PTHLH: variants seen among roughly 807,000 people sequenced by gnomAD.
The protein encoded by PTHLH is parathyroid hormone like hormone.
PTHLH carries 5 observed loss-of-function variants against 18.6 expected under a neutral mutation model. The observed-to-expected ratio is 0.27, with a 90% CI of 0.14 to 0.56. The LOEUF (loss-of-function observed/expected upper bound fraction) is 0.56, where lower values mean the gene tolerates loss of function less well. Among genes scored for constraint, PTHLH ranks in the 20% least tolerant of loss-of-function variants. The pLI, the probability that PTHLH is intolerant of heterozygous loss-of-function variation, is 0.92. For missense variants in PTHLH, 207 were observed against 223.9 expected (o/e 0.92, Z 0.48); for synonymous variants, 90 against 94.0 (o/e 0.96, Z 0.25).
At chr12:27,968,965 T>A (rs2062841499) in intron 4 of PTHLH, 1 of 164,020 alleles carries the variant, frequency 6.1e-6, no homozygotes, top group African/African-American at 2.4e-5. Context: ...TTTTGCTTTT[T>A]CACACGCAAA....
At chr12:27,961,782 T>C (rs1401997722) in intron 5 of PTHLH, 1 of 548,260 alleles carries the variant, frequency 1.8e-6, no homozygotes, top group Non-Finnish European at 3.2e-6. Context: ...TTATGTGCTA[T>C]TTAATGATGG....
At chr12:27,969,316 C>T in intron 4 of PTHLH, 78 bp downstream of exon 4, 2 of 1,375,462 alleles carry the variant, frequency 1.5e-6, no homozygotes, top group Non-Finnish European at 2.0e-6. Context: ...CGCTGCAAGC[C>T]CTCGGCAGCA....
intron 4 of PTHLH, among the ~76,000 whole-genome samples, chr12:27,967,466 T>C (rs1297425312): frequency 6.6e-6 from 1 of 152,240 alleles, no homozygotes; most frequent in Non-Finnish European, 1.5e-5. Flanking sequence ...TGATTATATG[T>C]TAAAATTTCT....
chr12:27,969,937 T>G, intron 3 of PTHLH, 88 bp downstream of exon 3: 1 of 519,576 alleles, frequency 1.9e-6, no homozygotes, highest in South Asian at 1.4e-5. Flanking sequence ...TTTCCCCCTC[T>G]GAAGTCAGCT....
rs576857367 is a variant in PTHLH, at chr12:27,969,386, G to T, written c.101+8C>A. Reference sequence around the variant, plus strand: ...AACCCGGCGCCCTGGGGAGGATGGGGCACTTACAGGCGGCGGCTGAGACCC... The same window carrying T: ...AACCCGGCGCCCTGGGGAGGATGGGTCACTTACAGGCGGCGGCTGAGACCC... On this transcript the variant is annotated splice_region_variant and intron_variant, in intron 4 of 5. Transcript: ENST00000545234. 1.9e-6 allele frequency: 3 copies of T among 1,570,246 alleles called. No homozygotes were observed. Among genetic ancestry groups the T allele is most frequent in the Admixed American group, 1.8e-5 (1 of 55,366 alleles).
At chr12:27,964,197 G>A (rs1047204581) in intron 4 of PTHLH, among the ~76,000 whole-genome samples, 2 of 151,364 alleles carry the variant, frequency 1.3e-5, no homozygotes, top group African/African-American at 4.9e-5. Context: ...AGAAGTCCCA[G>A]CCTGGGAAAT....
chr12:27,967,039 A>G (rs2062820604), intron 4 of PTHLH, among the ~76,000 whole-genome samples: 1 of 152,246 alleles, frequency 6.6e-6, no homozygotes, highest in South Asian at 2.1e-4. Context: ...AGGTCCTTCC[A>G]ACCCAAATGA....
Position 27,972,691 on chromosome 12 carries a change from A to T in PTHLH, c.-527T>A, listed in dbSNP as rs549254633. 1 of 152,208 alleles carries T rather than the reference A, an allele frequency of 6.6e-6. No individual in the cohort carries two copies. The highest frequency in any genetic ancestry group is 1.5e-5 in the Non-Finnish European group (1 of 68,026). 9.4% of individuals were successfully genotyped at this position (152,208 alleles called of 1,614,324 possible). A position where few individuals can be genotyped will look rare whatever the true frequency, so the allele number is the denominator to read the frequency against. The stretch of plus-strand genomic sequence containing the variant: ...GAGACTTCTGTTCCCACTAAAGGCA[A>T]TTATTAGAAAGCAGGTACCTCTTCC... On this transcript the variant is annotated 5_prime_UTR_variant, in exon 1 of 6. The change creates a new upstream start codon in the 5' untranslated region. Coordinates refer to ENST00000545234, the MANE Select transcript of PTHLH (RefSeq NM_198965.2).
At chr12:27,961,334 C>CGTATATATATACGTGTA (rs1179427224) in intron 5 of PTHLH, among the ~76,000 whole-genome samples, 1 of 103,656 alleles carries the variant, frequency 9.6e-6, no homozygotes, top group African/African-American at 3.7e-5. Context: ...TATATATATA[C>CGTATATATATACGTGTA]TTTTTGCCTC....
At chr12:27,960,966 C>A (rs1393981469) in intron 5 of PTHLH, among the ~76,000 whole-genome samples, 1 of 152,024 alleles carries the variant, frequency 6.6e-6, no homozygotes, top group Non-Finnish European at 1.5e-5. Context: ...CCTCACTCTT[C>A]CCTGAACCTC....
chr12:27,969,525 G>C lies in PTHLH; in HGVS notation c.-22-9C>G, dbSNP rs1439058404. ...CCGCTCGCGCTCGGGACCTGCAACA[G>C]AAGGGAATGGGACCCGAGTGTCAGT... On this transcript the variant is annotated splice_polypyrimidine_tract_variant and intron_variant, in intron 3 of 5. Transcript: ENST00000545234. 5 of 1,545,646 alleles carry C rather than the reference G, an allele frequency of 3.2e-6. No individual in the cohort carries two copies. Among genetic ancestry groups the C allele is most frequent in the African/African-American group, 1.4e-5 (1 of 73,158 alleles).
chr12:27,962,144 T>A (rs1206837589), intron 5 of PTHLH: 1 of 515,910 alleles, frequency 1.9e-6, no homozygotes, highest in Non-Finnish European at 3.4e-6. Flanking sequence ...ACTACTCAGG[T>A]CTTTTAGCCG....
chr12:27,961,276 C>CATATATATACATAT (rs2062750590), intron 5 of PTHLH, among the ~76,000 whole-genome samples: 1 of 52,750 alleles, frequency 1.9e-5, no homozygotes, highest in Non-Finnish European at 4.0e-5. Context: ...TTTTATAACT[C>CATATATATACATAT]ATATATATAC....
chr12:27,968,279 C>T (rs750572323), intron 4 of PTHLH, among the ~76,000 whole-genome samples: 28 of 152,304 alleles, frequency 1.8e-4, no homozygotes, highest in Non-Finnish European at 3.2e-4. Flanking sequence ...ATTTTCTCCT[C>T]TAATAATAAT....
chr12:27,960,845 C>T (rs551740145), intron 5 of PTHLH, among the ~76,000 whole-genome samples: 6 of 151,894 alleles, frequency 4.0e-5, no homozygotes, highest in Admixed American at 1.3e-4. Context: ...AAGGAGGGGA[C>T]GTTAATAAAA....
intron 5 of PTHLH, chr12:27,962,649 G>A (rs1257578196): frequency 1.0e-6 from 1 of 985,070 alleles, no homozygotes; most frequent in South Asian, 4.7e-5. Flanking sequence ...TCTTGCCAAT[G>A]AACAAAAAGA....
At position 27,967,823 on chromosome 12, in the gene PTHLH, G is replaced by A. The variant is rs75283777; in HGVS notation, c.101+1571C>T. ...TGGTTTCTGATGTGTGTTTTGTAAG[G>A]TGCAACAAAGAAAGAGTTAAAAATA... is the stretch of plus-strand genomic sequence containing the variant. On this transcript the variant is annotated intron_variant, in intron 4 of 5. Transcript: ENST00000545234. Among the ~76,000 whole-genome samples the A allele has an allele frequency of 4.0e-3, 616 of 152,250 alleles. 4 individuals are homozygous for A. The highest frequency in any genetic ancestry group is 0.014 in the African/African-American group (574 of 41,542).
chr12:27,969,433 G>A lies in PTHLH; in HGVS notation c.62C>T (p.Pro21Leu). 1 of 1,595,418 alleles carries A rather than the reference G, an allele frequency of 6.3e-7. No homozygotes were observed. Among genetic ancestry groups the A allele is most frequent in the African/African-American group, 1.3e-5 (1 of 74,700 alleles). The stretch of plus-strand genomic sequence containing the variant: ...ACCCTCCACCGAGCGCCCGCAGGAG[G>A]GCACCGCGTAGCTCAGCAGGAACAC... ...VAVFLLSYAV[P>L]SCGRSVEGLS... is the part of the protein sequence containing the mutation. Residue 21 changes from proline to leucine, a missense_variant, in exon 4 of 6, where the codon CCC becomes CTC. Physicochemically the swap from Pro to Leu is moderately conservative, Grantham distance 98. Coordinates refer to ENST00000545234, the MANE Select transcript of PTHLH (RefSeq NM_198965.2).
rs1446097265 is a variant in PTHLH, at chr12:27,972,637, C to T, written c.-473G>A. The T allele has an allele frequency of 6.6e-6, 1 of 152,142 alleles. No individual in the cohort carries two copies. Among genetic ancestry groups the T allele is most frequent in the African/African-American group, 2.4e-5 (1 of 41,438 alleles). The allele number at this position is 152,142 out of a possible 1,614,324, so 9.4% of individuals were successfully genotyped here. A position where few individuals can be genotyped will look rare whatever the true frequency, so the allele number is the denominator to read the frequency against. ...TTCTTCAGAAAACATAAAATTAAAT[C>T]TTAAAATGAATTAAAAGCTTCTTGA... On this transcript the variant is annotated 5_prime_UTR_variant, in exon 1 of 6. Coordinates refer to ENST00000545234, the MANE Select transcript of PTHLH (RefSeq NM_198965.2).
Sources: allele counts gnomAD v4.1 joint callset (sites outside exome capture counted in the v4.1 genomes callset), GRCh38; gene constraint gnomAD v4.1.1; transcripts MANE v1.5; gene names NCBI Gene and HGNC (gene_info 2026-07-23, HGNC 2026-07-21).